DLGAP1: variants seen among roughly 807,000 people sequenced by gnomAD.
DLGAP1 encodes DLG associated protein 1.
A neutral mutation model predicts 90.8 loss-of-function variants in DLGAP1; 11 were observed. That is an observed-to-expected ratio of 0.12 (90% CI 0.08 to 0.20). The LOEUF (loss-of-function observed/expected upper bound fraction) is 0.20, where lower values mean the gene tolerates loss of function less well. DLGAP1 is among the 10% of genes least tolerant of loss of function. DLGAP1 has a pLI of 1.00. For missense variants in DLGAP1, 1,050 were observed against 1,333.8 expected (o/e 0.79, Z 3.31); for synonymous variants, 558 against 540.7 (o/e 1.03, Z -0.44).
rs1350381442 is a variant in DLGAP1, at chr18:4,383,072, T to G, written c.-267+71934A>C. ...TCTTGCCTAATAGAGGTCAAATGACTGATCTGCCTGCTAACAGAGTTTAGC... is the reference window on the plus strand; with the variant it reads ...TCTTGCCTAATAGAGGTCAAATGACGGATCTGCCTGCTAACAGAGTTTAGC... On this transcript the variant is annotated intron_variant, in intron 1 of 12. Coordinates refer to ENST00000315677, the MANE Select transcript of DLGAP1 (RefSeq NM_004746.4). This position sits in a 1 kb window ranked among gnomAD's most constrained non-coding sequence, Gnocchi z 4.0. Among the ~76,000 whole-genome samples, 1 of 152,174 alleles carries G rather than the reference T, an allele frequency of 6.6e-6. No individual in the cohort carries two copies. Among genetic ancestry groups the G allele is most frequent in the Non-Finnish European group, 1.5e-5 (1 of 68,030 alleles).
intron 2 of DLGAP1, among the ~76,000 whole-genome samples, chr18:4,139,095 T>C (rs1193474020): frequency 1.3e-5 from 2 of 152,074 alleles, no homozygotes; most frequent in Admixed American, 6.5e-5. Context: ...TTTCCTTTCA[T>C]TGGTATTTTG....
chr18:4,100,057 CT>C (rs1407846638), intron 2 of DLGAP1, among the ~76,000 whole-genome samples: 32 of 152,160 alleles, frequency 2.1e-4, no homozygotes, highest in African/African-American at 7.5e-4. Context: ...TCTTGCCATG[CT>C]GCCCAGGCTG....
intron 2 of DLGAP1, among the ~76,000 whole-genome samples, chr18:4,026,781 C>T (rs1023456400): frequency 6.6e-6 from 1 of 152,146 alleles, no homozygotes. Context: ...ATGCAAAAAC[C>T]TTTTCACAGT....
intron 2 of DLGAP1, chr18:4,013,772 T>C (rs1599326798): frequency 6.6e-6 from 1 of 152,222 alleles, no homozygotes. Context: ...TATCTGATGG[T>C]AACTATTAAA....
chr18:4,122,554 C>T (rs771034077), intron 2 of DLGAP1, among the ~76,000 whole-genome samples: 4 of 152,140 alleles, frequency 2.6e-5, no homozygotes, highest in African/African-American at 7.2e-5. Context: ...AATGTTTTTA[C>T]GTTTTTTGCA....
At chr18:3,627,110 A>AT (rs989426757) in intron 7 of DLGAP1, among the ~76,000 whole-genome samples, 28 of 151,634 alleles carry the variant, frequency 1.8e-4, no homozygotes, top group South Asian at 8.4e-4. Context: ...AGTGCTAGTA[A>AT]TTTTTTTTTA....
intron 4 of DLGAP1, among the ~76,000 whole-genome samples, chr18:3,834,983 T>A (rs1423164908): frequency 1.3e-5 from 2 of 152,198 alleles, no homozygotes; most frequent in Non-Finnish European, 2.9e-5. Flanking sequence ...AATCAGAAAT[T>A]AGAATCTTCA....
intron 3 of DLGAP1, among the ~76,000 whole-genome samples, chr18:3,954,804 G>T (rs2073053487): frequency 1.3e-5 from 2 of 152,276 alleles, no homozygotes; most frequent in South Asian, 4.1e-4. Flanking sequence ...TGATATAACT[G>T]TTTGCAAAAC....
At chr18:4,298,817 C>T (rs915839126) in intron 1 of DLGAP1, among the ~76,000 whole-genome samples, 1 of 151,806 alleles carries the variant, frequency 6.6e-6, no homozygotes, top group Admixed American at 6.6e-5. Context: ...CGCAGTGGCT[C>T]ACGCCTGTAA....
At chr18:4,047,660 T>G (rs868783490) in intron 2 of DLGAP1, among the ~76,000 whole-genome samples, 1 of 152,220 alleles carries the variant, frequency 6.6e-6, no homozygotes, top group Non-Finnish European at 1.5e-5. Context: ...AAGACACATA[T>G]TATCTTTAGG....
At chr18:4,333,819 C>T (rs933330832) in intron 1 of DLGAP1, among the ~76,000 whole-genome samples, 3 of 151,330 alleles carry the variant, frequency 2.0e-5, no homozygotes, top group Non-Finnish European at 4.4e-5. Flanking sequence ...CCAGGATGGT[C>T]TCTATCTCCT....
At chr18:3,787,674 A>G (rs907956150) in intron 5 of DLGAP1, among the ~76,000 whole-genome samples, 10 of 151,946 alleles carry the variant, frequency 6.6e-5, no homozygotes, top group African/African-American at 2.4e-4. Flanking sequence ...TCTTACCGGT[A>G]TTCATTCCTT....
chr18:4,284,726 A>C (rs1319369972), intron 1 of DLGAP1, among the ~76,000 whole-genome samples: 1 of 152,162 alleles, frequency 6.6e-6, no homozygotes, highest in Admixed American at 6.5e-5. Flanking sequence ...CCGCCTTCAC[A>C]GGTCTCAGGT....
intron 3 of DLGAP1, among the ~76,000 whole-genome samples, chr18:3,893,978 G>A (rs1013023660): frequency 1.3e-5 from 2 of 152,106 alleles, no homozygotes; most frequent in Non-Finnish European, 2.9e-5. Context: ...TAGTGATGTT[G>A]AGCATTCTTT....
rs117461226 is a variant in DLGAP1 at position 3,645,388 on chromosome 18, C to A, written c.1592-63140G>T. Among the ~76,000 whole-genome samples, 32 of 152,174 alleles carry A rather than the reference C, an allele frequency of 2.1e-4. No homozygotes were observed. In the East Asian group the frequency reaches 5.0e-3, roughly 24 times the overall value. On this transcript the variant is annotated intron_variant, in intron 7 of 12. Coordinates refer to ENST00000315677, the MANE Select transcript of DLGAP1 (RefSeq NM_004746.4). ...TGAAAATAAATAAATAAATAACATC[C>A]TTTTCTGGCTATGTATTGCCTGTAG...
chr18:3,508,463 G>C, intron 11 of DLGAP1, 107 bp downstream of exon 11: 1 of 595,782 alleles, frequency 1.7e-6, no homozygotes, highest in Non-Finnish European at 2.7e-6. Context: ...GACTCCAATG[G>C]ACCTTGACTT....
At chr18:4,335,708 T>G (rs2081054532) in intron 1 of DLGAP1, among the ~76,000 whole-genome samples, 1 of 152,088 alleles carries the variant, frequency 6.6e-6, no homozygotes, top group Admixed American at 6.5e-5. Context: ...AAAAGAAAAA[T>G]AAAATTACAT....
chr18:3,799,307 G>T lies in DLGAP1; in HGVS notation c.1172+14752C>A, dbSNP rs184513921. On this transcript the variant is annotated intron_variant, in intron 5 of 12. Transcript: ENST00000315677. ...TTTCAGGCTGCCTCTAAGTCAGCAG[G>T]ACTGGGACCCTACAGGCATGGGTGC... is the stretch of plus-strand genomic sequence containing the variant. Among the ~76,000 whole-genome samples, 702 of 152,254 alleles carry T rather than the reference G, an allele frequency of 4.6e-3. 6 individuals carry two copies. Among genetic ancestry groups the T allele is most frequent in the South Asian group, 7.9e-3 (38 of 4,816 alleles).
At position 3,729,317 on chromosome 18, in the gene DLGAP1, T is replaced by C. The variant is rs2062323302; in HGVS notation, c.1409A>G (p.Glu470Gly). 6.2e-7 allele frequency: 1 copy of C among 1,614,014 alleles called. No homozygotes were observed. The highest frequency in any genetic ancestry group is 1.1e-5 in the South Asian group (1 of 91,072). The change falls in exon 7 of 13, where the codon GAG (glutamate) becomes GGG (glycine). Residue 470 changes from glutamate to glycine, a missense_variant. Glu to Gly is a moderately conservative substitution (Grantham distance 98, BLOSUM62 -2). Around this residue, in one of 2 missense-constraint regions of DLGAP1, gnomAD observed 565 missense variants for 879.7 expected, o/e 0.64. Transcript: ENST00000315677. The surrounding 1 kb of genome is among the most constrained non-coding windows in gnomAD (Gnocchi z 6.2). ...FESVCESVFS[E>G]LESQAVEALD... ...CGCTTCCACGGCCTGCGACTCCAGC[T>C]CGCTGAACACGGACTCGCACACGGA...
Sources: gnomAD v4.1 joint callset for allele counts (sites outside exome capture counted in the v4.1 genomes callset) on GRCh38, gnomAD v4.1.1 for gene constraint, gnomAD v4.1.1 regional missense constraint, Gnocchi (gnomAD v3.1) non-coding constraint, MANE v1.5 for transcripts, NCBI Gene and HGNC (gene_info 2026-07-23, HGNC 2026-07-21) for gene names.